The following NLRP1 variants were observed in gnomAD, a reference collection of about 807,000 sequenced individuals.
The protein encoded by NLRP1 is NACHT, LRR and PYD domains-containing protein 1.
In NLRP1, 94 loss-of-function variants were observed where a neutral mutation model predicts 136.7. The observed-to-expected ratio is 0.69, with a 90% CI of 0.58 to 0.82. The LOEUF is 0.82. NLRP1 is among the 40% of genes least tolerant of loss of function. The pLI is 0.00. For missense variants in NLRP1, 1,575 were observed against 1,802.7 expected, an observed-to-expected ratio of 0.87 and a Z score of 2.29; for synonymous variants, 690 against 725.1, an observed-to-expected ratio of 0.95 and a Z score of 0.78.
chr17:5,541,023 G>A lies in NLRP1; in HGVS notation c.2699+834C>T, dbSNP rs1282032847. Reference sequence around the variant, plus strand: ...GGAGGAGGCCCAGCAGGACCAGGGAGAGGTAACTATGCACTCTTGTTTCTT... The same window carrying A: ...GGAGGAGGCCCAGCAGGACCAGGGAAAGGTAACTATGCACTCTTGTTTCTT... On this transcript the variant is annotated intron_variant, in intron 6 of 16. Transcript: ENST00000572272. This position sits in a 1 kb window ranked among gnomAD's most constrained non-coding sequence, Gnocchi z 4.2. Among the ~76,000 whole-genome samples, 1 of 152,172 alleles carries A rather than the reference G, an allele frequency of 6.6e-6. No homozygotes were observed. The highest frequency in any genetic ancestry group is 6.5e-5 in the Admixed American group (1 of 15,276).
chr17:5,563,117 C>T (rs1177522790), intron 3 of NLRP1, among the ~76,000 whole-genome samples: 1 of 152,092 alleles, frequency 6.6e-6, no homozygotes, highest in Non-Finnish European at 1.5e-5. Flanking sequence ...ACAAAAAAAA[C>T]CCCATCCAAA....
At chr17:5,555,017 T>TCACACACAAACACACA (rs1555546861) in intron 4 of NLRP1, among the ~76,000 whole-genome samples, 4 of 142,344 alleles carry the variant, frequency 2.8e-5, no homozygotes, top group Admixed American at 2.1e-4. Flanking sequence ...TGAGATCCCA[T>TCACACACAAACACACA]CACACACACA....
At chr17:5,582,889 CA>C (rs768236683) in intron 1 of NLRP1, 43 bp from the exon 2 acceptor site, 2 of 1,511,536 alleles carry the variant, frequency 1.3e-6, no homozygotes, top group Non-Finnish European at 9.0e-7. Context: ...ATCAGAGGGG[CA>C]GGGGCAAGGT....
chr17:5,568,202 G>A (rs1260705658), intron 3 of NLRP1, among the ~76,000 whole-genome samples: 1 of 151,850 alleles, frequency 6.6e-6, no homozygotes, highest in African/African-American at 2.4e-5. Context: ...TTGCCATTTT[G>A]AGGCTATTTT....
At chr17:5,552,728 T>C (rs1372610432) in intron 5 of NLRP1, among the ~76,000 whole-genome samples, 4 of 152,242 alleles carry the variant, frequency 2.6e-5, no homozygotes, top group Non-Finnish European at 5.9e-5. Context: ...GCCAATACCA[T>C]AGTCCAAGCT....
In NLRP1 at chr17:5,536,844, C is replaced by T; in HGVS notation, c.2960+7G>A. 1.2e-6 allele frequency: 2 copies of T among 1,606,480 alleles called. No homozygotes were observed. Among genetic ancestry groups the T allele is most frequent in the Non-Finnish European group, 1.7e-6 (2 of 1,173,174 alleles). On this transcript the variant is annotated splice_region_variant and intron_variant, in intron 8 of 16. Transcript: ENST00000572272. ...TCAGCCAGAGGGAGTTCTGGGTCCC[C>T]CCTTACCGTCTGCTGAAGATGAGCA...
intron 3 of NLRP1, among the ~76,000 whole-genome samples, chr17:5,570,492 A>G (rs1185584675): frequency 6.6e-6 from 1 of 152,124 alleles, no homozygotes; most frequent in East Asian, 1.9e-4. Flanking sequence ...ACCTCTATAT[A>G]CAGAAACTAG....
intron 3 of NLRP1, among the ~76,000 whole-genome samples, chr17:5,578,754 T>C (rs1209008201): frequency 1.3e-5 from 2 of 152,208 alleles, no homozygotes; most frequent in Non-Finnish European, 2.9e-5. Context: ...AGCCATCCCA[T>C]TACTGGGTAT....
At position 5,559,471 on chromosome 17, in the gene NLRP1, G is replaced by A; in HGVS notation, c.1225C>T (p.Leu409Phe). The change falls in exon 4 of 17, where the codon CTC becomes TTC. Residue 409 changes from leucine (L) to phenylalanine (F), a missense_variant. Physicochemically the swap from Leu to Phe is conservative, Grantham distance 22 (BLOSUM62 0). Transcript: ENST00000572272. The part of the protein sequence containing the change: ...LSRPERLLFI[L>F]DGVDEPGWVL... Reference sequence around the variant, plus strand: ...CATCCTGGCTCATCTACACCATCGAGGATGAAGAGCAGCCGCTCTGGCCTA... The same window carrying A: ...CATCCTGGCTCATCTACACCATCGAAGATGAAGAGCAGCCGCTCTGGCCTA... 1 of 1,614,190 alleles carries A rather than the reference G, an allele frequency of 6.2e-7. No homozygotes were observed. Among genetic ancestry groups the A allele is most frequent in the Non-Finnish European group, 8.5e-7 (1 of 1,180,016 alleles).
chr17:5,530,855 C>G, intron 11 of NLRP1, 151 bp from the exon 12 acceptor site: 1 of 637,168 alleles, frequency 1.6e-6, no homozygotes, highest in South Asian at 1.9e-5. Context: ...AGTCCTGGCT[C>G]TTCTGCTCTT....
In NLRP1 at chr17:5,517,816, T is replaced by C. The variant is rs1012797266; in HGVS notation, c.3987A>G (p.Gly1329=). ...CTTTCACTTGCAGCCTGATCCCTGA[T>C]CCCAAGTGGCCAACGTAGAACTCCG... The part of the protein sequence containing the change: ...LFSEFYVGHL[G]SGIRLQVKDK... The change falls in exon 15 of 17, where the codon GGA becomes GGG. Residue 1329 remains glycine (G), a synonymous_variant. Transcript: ENST00000572272. 6.2e-7 allele frequency: 1 copy of C among 1,614,196 alleles called. No homozygotes were observed. The highest frequency in any genetic ancestry group is 1.3e-5 in the African/African-American group (1 of 75,058).
intron 14 of NLRP1, chr17:5,518,252 A>C: frequency 5.4e-6 from 1 of 186,244 alleles, no homozygotes; most frequent in East Asian, 1.5e-4. Context: ...ATTTATATCC[A>C]TCCCCTTTCC....
At chr17:5,501,615 CT>C (rs1053109018) in exon 16 of NLRP1, 1 of 537,498 alleles carries the variant, frequency 1.9e-6, no homozygotes, top group African/African-American at 1.9e-5. Flanking sequence ...TGTGTACAAC[CT>C]GTTTTCTCTT....
chr17:5,550,045 C>T (rs561853095), intron 5 of NLRP1, among the ~76,000 whole-genome samples: 1 of 152,174 alleles, frequency 6.6e-6, no homozygotes, highest in Non-Finnish European at 1.5e-5. Context: ...TGGGATAAAT[C>T]CCATTTGGTC....
Position 5,582,692 on chromosome 17 carries a change from G to C in NLRP1, c.426C>G (p.Asp142Glu). 6.2e-7 allele frequency: 1 copy of C among 1,614,172 alleles called. No individual in the cohort carries two copies. Among genetic ancestry groups the C allele is most frequent in the Non-Finnish European group, 8.5e-7 (1 of 1,180,026 alleles). ...CACCTCTCCAGCGGCGTCCAGATGT[G>C]TCAGGCAGCTGTCTCAAAACCCTTC... ...SERRVLRQLPDTSGRRWREIS... is the reference protein window; with the variant it reads ...SERRVLRQLPETSGRRWREIS... The change falls in exon 2 of 17, where the codon GAC becomes GAG. Residue 142 changes from aspartate (D) to glutamate (E), a missense_variant. Physicochemically the swap from Asp to Glu is conservative, Grantham distance 45 (BLOSUM62 2). Coordinates refer to ENST00000572272, the MANE Select transcript of NLRP1 (RefSeq NM_033004.4).
intron 4 of NLRP1, 98 bp downstream of exon 4, chr17:5,558,240 AC>A: frequency 7.5e-7 from 1 of 1,339,656 alleles, no homozygotes; most frequent in Non-Finnish European, 1.0e-6. Context: ...AGCCACCCCC[AC>A]CCCCGGCCAG....
intron 9 of NLRP1, 37 bp downstream of exon 9, chr17:5,533,860 C>A (rs1475522257): frequency 7.1e-7 from 1 of 1,403,612 alleles, no homozygotes; most frequent in Admixed American, 1.7e-5. Flanking sequence ...CCCCCAACCC[C>A]TGTCACGATG....
chr17:5,538,279 G>C (rs1308445196), intron 7 of NLRP1, among the ~76,000 whole-genome samples: 1 of 152,114 alleles, frequency 6.6e-6, no homozygotes, highest in East Asian at 1.9e-4. Flanking sequence ...GTGGCTCCTC[G>C]GGGAAGGGCA....
At chr17:5,520,731 A>G (rs1171636230) in intron 14 of NLRP1, 150 bp downstream of exon 14, 1 of 697,836 alleles carries the variant, frequency 1.4e-6, no homozygotes, top group Non-Finnish European at 2.2e-6. Context: ...CTAGTCTTGG[A>G]AGCATTCCCA....
Sources: gnomAD v4.1 joint callset for allele counts (sites outside exome capture counted in the v4.1 genomes callset) on GRCh38, gnomAD v4.1.1 for gene constraint, Gnocchi (gnomAD v3.1) non-coding constraint, MANE v1.5 for transcripts, NCBI Gene and HGNC (gene_info 2026-07-23, HGNC 2026-07-21) for gene names.